Variants in CAPZA2 observed in about 807,000 individuals in gnomAD.
The protein encoded by CAPZA2 is F-actin-capping protein subunit alpha-2.
Under a neutral mutation model 44.0 loss-of-function variants are expected in CAPZA2, and 13 were observed. The ratio of observed to expected loss-of-function variants is 0.30; its 90% confidence interval spans 0.19 to 0.47. The LOEUF is 0.47. CAPZA2 is among the 20% of genes least tolerant of loss of function. CAPZA2 has a pLI of 1.00. For missense variants in CAPZA2, 244 were observed against 338.6 expected (o/e 0.72, Z 2.19); for synonymous variants, 94 against 108.2 (o/e 0.87, Z 0.81).
intron 1 of CAPZA2, among the ~76,000 whole-genome samples, chr7:116,867,812 G>T (rs1796500539): frequency 6.6e-6 from 1 of 152,118 alleles, no homozygotes; most frequent in Admixed American, 6.6e-5. Flanking sequence ...TGGAACTCCT[G>T]AGCTCAGGTG....
chr7:116,916,157 A>G, intron 9 of CAPZA2, 35 bp downstream of exon 9: 1 of 1,482,126 alleles, frequency 6.7e-7, no homozygotes. Flanking sequence ...AGCTACACTC[A>G]CATATGAATT....
chr7:116,894,757 C>T (rs1585009460), intron 3 of CAPZA2, among the ~76,000 whole-genome samples: 1 of 152,094 alleles, frequency 6.6e-6, no homozygotes, highest in Admixed American at 6.5e-5. Flanking sequence ...ATAGTATTTG[C>T]CTTTTGTGAC....
intron 4 of CAPZA2, among the ~76,000 whole-genome samples, chr7:116,899,720 C>G (rs1796971780): frequency 6.7e-6 from 1 of 148,534 alleles, no homozygotes; most frequent in Non-Finnish European, 1.5e-5. Context: ...CATCTTTGTA[C>G]CTCTTATATT....
At chr7:116,917,126 A>G (rs1045534633) in intron 9 of CAPZA2, among the ~76,000 whole-genome samples, 2 of 152,172 alleles carry the variant, frequency 1.3e-5, no homozygotes, top group Non-Finnish European at 2.9e-5. Flanking sequence ...ATAATCTATA[A>G]ATTGTTCTGA....
Position 116,901,056 on chromosome 7 carries a change from G to A in CAPZA2, c.219+2221G>A, listed in dbSNP as rs922413926. On this transcript the variant is annotated intron_variant, in intron 4 of 9. Coordinates refer to ENST00000361183, the MANE Select transcript of CAPZA2 (RefSeq NM_006136.3). ...GGAGCAAAAGGAATGCTTATACACT[G>A]TTGGTGGGAGTGTATATTCAACTAT... Among the ~76,000 whole-genome samples, 5 of 152,104 alleles carry A rather than the reference G, an allele frequency of 3.3e-5. No individual in the cohort carries two copies. In the South Asian group the frequency reaches 8.3e-4, roughly 25 times the overall value.
intron 1 of CAPZA2, among the ~76,000 whole-genome samples, chr7:116,871,056 A>G (rs1003230504): frequency 1.1e-4 from 16 of 152,218 alleles, no homozygotes; most frequent in Non-Finnish European, 1.5e-5. Flanking sequence ...CAGAGATTAT[A>G]TAGAGATTTG....
chr7:116,878,741 A>G (rs1796652203), intron 1 of CAPZA2, among the ~76,000 whole-genome samples: 1 of 152,222 alleles, frequency 6.6e-6, no homozygotes, highest in South Asian at 2.1e-4. Context: ...CAGACAACAC[A>G]GTAATACATG....
chr7:116,874,604 T>C (rs1242130016), intron 1 of CAPZA2: 1 of 152,272 alleles, frequency 6.6e-6, no homozygotes, highest in Non-Finnish European at 1.5e-5. Context: ...TGTTTTTCAC[T>C]GCAGTCAGAG....
chr7:116,877,781 G>A (rs1292501208), intron 1 of CAPZA2, among the ~76,000 whole-genome samples: 1 of 152,214 alleles, frequency 6.6e-6, no homozygotes, highest in Non-Finnish European at 1.5e-5. Flanking sequence ...ACTTAATCTT[G>A]TTGGCATTGG....
At chr7:116,914,432 T>C (rs113362043) in intron 8 of CAPZA2, among the ~76,000 whole-genome samples, 79 of 145,230 alleles carry the variant, frequency 5.4e-4, no homozygotes, top group African/African-American at 1.3e-3. Context: ...TATACATACA[T>C]ACACACACAC....
intron 8 of CAPZA2, among the ~76,000 whole-genome samples, chr7:116,914,606 C>T (rs536796516): frequency 2.0e-5 from 3 of 152,080 alleles, no homozygotes; most frequent in African/African-American, 7.2e-5. Flanking sequence ...GGACTATAGG[C>T]GTGTGCCACC....
intron 1 of CAPZA2, among the ~76,000 whole-genome samples, chr7:116,886,768 T>G (rs1191714911): frequency 6.6e-6 from 1 of 152,220 alleles, no homozygotes; most frequent in Non-Finnish European, 1.5e-5. Context: ...CTGAGGCTGC[T>G]TGCCTAAGGA....
intron 1 of CAPZA2, among the ~76,000 whole-genome samples, chr7:116,886,520 C>A (rs1796763714): frequency 6.6e-6 from 1 of 152,132 alleles, no homozygotes; most frequent in Non-Finnish European, 1.5e-5. Flanking sequence ...CCTTTTCTTT[C>A]CATTATTTTT....
intron 1 of CAPZA2, among the ~76,000 whole-genome samples, chr7:116,868,645 A>G (rs1796511967): frequency 6.6e-6 from 1 of 152,176 alleles, no homozygotes; most frequent in African/African-American, 2.4e-5. Flanking sequence ...GAGGCAGGAG[A>G]ATCGCTTGGA....
At chr7:116,903,235 T>A (rs12706114) in intron 4 of CAPZA2, among the ~76,000 whole-genome samples, 3,778 of 63,650 alleles carry the variant, frequency 0.059, 123 homozygotes, top group East Asian at 0.3. Flanking sequence ...CAGAGAAGAG[T>A]GTGTGTGTGT....
At chr7:116,911,887 T>C (rs1026468102) in intron 7 of CAPZA2, among the ~76,000 whole-genome samples, 182 bp from the exon 8 acceptor site, 2 of 144,338 alleles carry the variant, frequency 1.4e-5, no homozygotes, top group African/African-American at 5.8e-5. Context: ...TATCTCTAAC[T>C]AGTCTCCTCA....
chr7:116,887,178 A>C (rs1342958669), intron 1 of CAPZA2, among the ~76,000 whole-genome samples: 1 of 152,188 alleles, frequency 6.6e-6, no homozygotes, highest in Non-Finnish European at 1.5e-5. Flanking sequence ...CACACATAGA[A>C]AATTTTGTCA....
chr7:116,872,263 G>A (rs1036087635), intron 1 of CAPZA2, among the ~76,000 whole-genome samples: 3 of 152,220 alleles, frequency 2.0e-5, no homozygotes, highest in African/African-American at 7.2e-5. Context: ...AAATGATTCA[G>A]AAGGGAAAAG....
At chr7:116,865,733 G>A (rs1174832792) in intron 1 of CAPZA2, among the ~76,000 whole-genome samples, 1 of 151,992 alleles carries the variant, frequency 6.6e-6, no homozygotes, top group East Asian at 1.9e-4. Flanking sequence ...AGGTGTGCCA[G>A]GACACCCAGC....
Sources: gnomAD v4.1 joint callset for allele counts (sites outside exome capture counted in the v4.1 genomes callset) on GRCh38, gnomAD v4.1.1 for gene constraint, MANE v1.5 for transcripts, NCBI Gene and HGNC (gene_info 2026-07-23, HGNC 2026-07-21) for gene names.